HYLS1: variants seen among roughly 807,000 people sequenced by gnomAD.
The protein encoded by HYLS1 is centriolar and ciliogenesis-associated protein HYLS1.
In HYLS1, 25 loss-of-function variants were observed where a neutral mutation model predicts 29.4. The observed-to-expected ratio is 0.85, with a 90% CI of 0.62 to 1.19. The LOEUF (loss-of-function observed/expected upper bound fraction) is 1.19, where lower values mean the gene tolerates loss of function less well. HYLS1 is among the 50% of genes most tolerant of loss of function. The pLI, the probability that HYLS1 is intolerant of heterozygous loss-of-function variation, is 0.00. For synonymous variants in HYLS1, 128 were observed against 126.7 expected (o/e 1.01, Z -0.07); for missense variants, 352 against 365.1 (o/e 0.96, Z 0.29).
At chr11:125,884,293 A>G (rs1268181192), upstream of HYLS1, among the ~76,000 whole-genome samples, 1 of 152,246 alleles carries the variant, frequency 6.6e-6, no homozygotes, top group Non-Finnish European at 1.5e-5. Flanking sequence ...AAGAAAATAT[A>G]TTAACTACTT....
At chr11:125,884,578 C>T (rs903212259), upstream of HYLS1, among the ~76,000 whole-genome samples, 6 of 152,172 alleles carry the variant, frequency 3.9e-5, no homozygotes, top group African/African-American at 1.2e-4. Context: ...CACTGCAGTC[C>T]GGCCTGGGTG....
Position 125,900,045 on chromosome 11 carries a change from T to A in HYLS1, c.677T>A (p.Ile226Lys). Residue 226 changes from isoleucine to lysine, a missense_variant, in exon 3 of 3, where the codon ATA becomes AAA. Transcript: ENST00000425380. Reference protein sequence around the residue: ...YFEYKRDWDSIRLPGEDHRKE... With the variant: ...YFEYKRDWDSKRLPGEDHRKE... ...GAGTACAAACGGGACTGGGACTCAA[T>A]ACGTTTACCTGGTGAAGATCATAGA... 6.2e-7 allele frequency: 1 copy of A among 1,614,192 alleles called. No individual in the cohort carries two copies. Among genetic ancestry groups the A allele is most frequent in the Non-Finnish European group, 8.5e-7 (1 of 1,180,030 alleles).
chr11:125,895,407 C>T lies in HYLS1; in HGVS notation c.-26+3935C>T, dbSNP rs752183515. 1.9e-6 allele frequency: 3 copies of T among 1,613,958 alleles called. No individual in the cohort carries two copies. Among genetic ancestry groups the T allele is most frequent in the African/African-American group, 1.3e-5 (1 of 74,926 alleles). On this transcript the variant is annotated intron_variant, in intron 2 of 2. Coordinates refer to ENST00000425380, the MANE Select transcript of HYLS1 (RefSeq NM_001134793.2). The stretch of plus-strand genomic sequence containing the variant: ...GAAAGGTTCTTGCCATCTCCCCTCA[C>T]CTGGGCTCTGGCCCACTAGCTGTAC...
Position 125,900,064 on chromosome 11 carries a change from T to C in HYLS1, c.696T>C (p.Asp232=). The C allele has an allele frequency of 1.2e-6, 2 of 1,614,128 alleles. No individual in the cohort carries two copies. Among genetic ancestry groups the C allele is most frequent in the Non-Finnish European group, 8.5e-7 (1 of 1,180,026 alleles). The change falls in exon 3 of 3, where the codon GAT becomes GAC. Residue 232 remains aspartate, a synonymous_variant. Coordinates refer to ENST00000425380, the MANE Select transcript of HYLS1 (RefSeq NM_001134793.2). ...ACTCAATACGTTTACCTGGTGAAGA[T>C]CATAGAAAGGAATTACGCTGGGGTG... ...DWDSIRLPGE[D]HRKELRWGVR...
chr11:125,895,672 G>T (rs1363450998), intron 2 of HYLS1: 2 of 1,614,090 alleles, frequency 1.2e-6, no homozygotes, highest in Non-Finnish European at 8.5e-7. Flanking sequence ...GGGAGTACCC[G>T]ATTGAGAATG....
chr11:125,888,519 A>G (rs1160382063), intron 1 of HYLS1, among the ~76,000 whole-genome samples: 1 of 152,158 alleles, frequency 6.6e-6, no homozygotes, highest in Non-Finnish European at 1.5e-5. Flanking sequence ...CTGTTACCCC[A>G]GCACTTTGGG....
chr11:125,889,751 A>G (rs1944378131), intron 1 of HYLS1, among the ~76,000 whole-genome samples: 1 of 152,048 alleles, frequency 6.6e-6, no homozygotes, highest in African/African-American at 2.4e-5. Context: ...AACAACAACA[A>G]TAATAATAAT....
At chr11:125,890,978 G>C (rs942102114) in intron 1 of HYLS1, among the ~76,000 whole-genome samples, 1 of 149,828 alleles carries the variant, frequency 6.7e-6, no homozygotes, top group African/African-American at 2.5e-5. Flanking sequence ...AATCCTCCTA[G>C]CCCAGAGTCT....
chr11:125,896,227 C>T (rs1944585177), intron 2 of HYLS1: 1 of 1,613,996 alleles, frequency 6.2e-7, no homozygotes, highest in Non-Finnish European at 8.5e-7. Flanking sequence ...TGCTCCAGTT[C>T]TCGTACTCTT....
intron 2 of HYLS1, among the ~76,000 whole-genome samples, chr11:125,898,366 T>A (rs1001221569): frequency 2.0e-5 from 3 of 152,132 alleles, no homozygotes; most frequent in African/African-American, 7.2e-5. Flanking sequence ...ATAAACAGAT[T>A]TAGCTGGCAA....
intron 2 of HYLS1, chr11:125,893,675 T>TAAGAGCTGA: frequency 2.5e-6 from 2 of 795,228 alleles, no homozygotes; most frequent in Non-Finnish European, 1.9e-6. Flanking sequence ...TTTTTTTCTT[T>TAAGAGCTGA]TAAGAGCTGA....
chr11:125,896,837 A>G (rs1323370929), intron 2 of HYLS1, among the ~76,000 whole-genome samples: 1 of 152,198 alleles, frequency 6.6e-6, no homozygotes, highest in Non-Finnish European at 1.5e-5. Flanking sequence ...GTGCAATAGA[A>G]GCTAGCCTAA....
chr11:125,896,659 C>A (rs1944600966), intron 2 of HYLS1, among the ~76,000 whole-genome samples: 1 of 152,144 alleles, frequency 6.6e-6, no homozygotes, highest in Admixed American at 6.5e-5. Flanking sequence ...ATTTTTTTCT[C>A]TAAAACATTT....
At chr11:125,895,570 G>A (rs779262413) in intron 2 of HYLS1, 1 of 1,614,168 alleles carries the variant, frequency 6.2e-7, no homozygotes, top group East Asian at 2.2e-5. Context: ...TCAGCACGAG[G>A]GAAAAAATAG....
intron 2 of HYLS1, chr11:125,896,457 G>C (rs1944595194): frequency 1.5e-6 from 1 of 651,610 alleles, no homozygotes; most frequent in East Asian, 2.8e-5. Context: ...ACAAGCATTA[G>C]CTTTATTGTG....
chr11:125,898,688 A>G (rs1169416862), intron 2 of HYLS1, among the ~76,000 whole-genome samples: 1 of 152,092 alleles, frequency 6.6e-6, no homozygotes, highest in African/African-American at 2.4e-5. Context: ...AAAAAAAATT[A>G]TTAAAGCATA....
chr11:125,899,740 T>G lies in HYLS1; in HGVS notation c.372T>G (p.Asn124Lys). The G allele has an allele frequency of 6.2e-7, 1 of 1,614,178 alleles. No homozygotes were observed. Among genetic ancestry groups the G allele is most frequent in the Non-Finnish European group, 8.5e-7 (1 of 1,180,018 alleles). Residue 124 changes from asparagine (N) to lysine (K), a missense_variant, in exon 3 of 3, where the codon AAT (asparagine) becomes AAG (lysine). Asn to Lys is a moderately conservative substitution (Grantham distance 94, BLOSUM62 0). Coordinates refer to ENST00000425380, the MANE Select transcript of HYLS1 (RefSeq NM_001134793.2). Reference protein sequence around the residue: ...IISESESGTENDQDLWDLRQR... With the variant: ...IISESESGTEKDQDLWDLRQR... ...GTGAATCAGAATCTGGTACAGAAAATGATCAGGATCTCTGGGACTTAAGAC... is the reference window on the plus strand; with the variant it reads ...GTGAATCAGAATCTGGTACAGAAAAGGATCAGGATCTCTGGGACTTAAGAC...
intron 2 of HYLS1, among the ~76,000 whole-genome samples, chr11:125,898,914 T>C (rs1369592252): frequency 6.6e-6 from 1 of 152,200 alleles, no homozygotes; most frequent in East Asian, 1.9e-4. Flanking sequence ...CCTCATGTTA[T>C]TCATCTGTGA....
chr11:125,893,989 G>C lies in HYLS1; in HGVS notation c.-26+2517G>C. The stretch of plus-strand genomic sequence containing the variant: ...GTCCTTGGCATTTAGGACGGTCCAT[G>C]AGGGGCTTATATGTGCGCATCTTCA... On this transcript the variant is annotated intron_variant, in intron 2 of 2. Transcript: ENST00000425380. 2 of 1,614,138 alleles carry C rather than the reference G, an allele frequency of 1.2e-6. No individual in the cohort carries two copies. Among genetic ancestry groups the C allele is most frequent in the Non-Finnish European group, 1.7e-6 (2 of 1,180,012 alleles).
Sources: allele counts gnomAD v4.1 joint callset (sites outside exome capture counted in the v4.1 genomes callset), GRCh38; gene constraint gnomAD v4.1.1; transcripts MANE v1.5; gene names NCBI Gene and HGNC (gene_info 2026-07-23, HGNC 2026-07-21).